Variants in PRRG1 observed in about 807,000 individuals in gnomAD.
PRRG1 encodes the protein transmembrane gamma-carboxyglutamic acid protein 1.
In PRRG1, 5 loss-of-function variants were observed where a neutral mutation model predicts 11.8. The observed-to-expected ratio is 0.42, with a 90% confidence interval of 0.22 to 0.89. PRRG1 has a LOEUF of 0.89. Ranked by LOEUF, PRRG1 falls within the 40% of genes least tolerant of loss-of-function variation. PRRG1 has a pLI of 0.28. For missense variants in PRRG1, 155 were observed against 166.1 expected, an observed-to-expected ratio of 0.93 and a Z score of 0.37; for synonymous variants, 66 against 60.4, an observed-to-expected ratio of 1.09 and a Z score of -0.43.
At chrX:37,388,192 C>T (rs978984648) in intron 1 of PRRG1, among the ~76,000 whole-genome samples, 2 of 112,242 alleles carry the variant, frequency 1.8e-5, no homozygotes, top group Non-Finnish European at 3.8e-5. Flanking sequence ...CTTTCAAGGG[C>T]TGATGTTGAG....
intron 1 of PRRG1, among the ~76,000 whole-genome samples, chrX:37,375,746 C>A (rs1340772162): frequency 2.7e-5 from 3 of 110,404 alleles, no homozygotes. Context: ...CATAAAATGG[C>A]TTTTTTTTAA....
chrX:37,418,051 T>G (rs1932549685), intron 2 of PRRG1, among the ~76,000 whole-genome samples: 1 of 112,159 alleles, frequency 8.9e-6, no homozygotes, highest in Non-Finnish European at 1.9e-5. Flanking sequence ...ACTTAAGAAA[T>G]CATATCCAAC....
intron 3 of PRRG1, among the ~76,000 whole-genome samples, chrX:37,440,055 C>T (rs1932947867): frequency 9.0e-6 from 1 of 110,973 alleles, no homozygotes; most frequent in Admixed American, 9.6e-5. Flanking sequence ...CTGCCTTCAC[C>T]TCCCAAAGTG....
chrX:37,438,033 C>A (rs1376963632), intron 3 of PRRG1, among the ~76,000 whole-genome samples: 1 of 109,764 alleles, frequency 9.1e-6, no homozygotes, highest in Non-Finnish European at 1.9e-5. Context: ...CATGGTAAAA[C>A]CCCATCTCTA....
intron 3 of PRRG1, among the ~76,000 whole-genome samples, chrX:37,429,132 G>A (rs1932801649): frequency 8.9e-6 from 1 of 112,213 alleles, no homozygotes; most frequent in South Asian, 3.7e-4. Flanking sequence ...ATCTGTGATA[G>A]GGGTGGGTAG....
chrX:37,443,231 A>G (rs1556394393), intron 3 of PRRG1, among the ~76,000 whole-genome samples: 1 of 111,570 alleles, frequency 9.0e-6, no homozygotes, highest in East Asian at 2.8e-4. Flanking sequence ...GGAGATGGGG[A>G]CAATAAGTTC....
In PRRG1 at chrX:37,453,510, G is replaced by C. The variant is rs1453631300; in HGVS notation, c.546G>C (p.Gln182His). The C allele has an allele frequency of 5.0e-6, 6 of 1,211,341 alleles. No individual in the cohort carries two copies. The highest frequency in any genetic ancestry group is 6.7e-6 in the Non-Finnish European group (6 of 895,356). ...AAGCCACTGGCCAAGTGAACCTGCA[G>C]AGGAGTGAAACAGAACCTCATTTAG... ...YEEATGQVNL[Q>H]RSETEPHLDP... Residue 182 changes from glutamine (Q) to histidine (H), a missense_variant, in exon 4 of 4, where the codon CAG (glutamine) becomes CAC (histidine). Gln to His is a conservative substitution (Grantham distance 24). Coordinates refer to ENST00000378628, the MANE Select transcript of PRRG1 (RefSeq NM_001142395.2).
chrX:37,363,016 G>A (rs1930462130), intron 1 of PRRG1, among the ~76,000 whole-genome samples: 2 of 111,620 alleles, frequency 1.8e-5, no homozygotes, highest in Non-Finnish European at 3.8e-5. Context: ...TGGCCATATG[G>A]ATTATCTTCC....
At chrX:37,402,220 A>G (rs1245733476) in intron 1 of PRRG1, among the ~76,000 whole-genome samples, 3 of 111,530 alleles carry the variant, frequency 2.7e-5, no homozygotes, top group Non-Finnish European at 3.8e-5. Flanking sequence ...GCATCACACT[A>G]CCTGACTTCA....
chrX:37,379,527 A>G (rs1342743478), intron 1 of PRRG1, among the ~76,000 whole-genome samples: 1 of 111,235 alleles, frequency 9.0e-6, no homozygotes, highest in Non-Finnish European at 1.9e-5. Flanking sequence ...AATGATAAAT[A>G]TTTATATAAG....
intron 2 of PRRG1, among the ~76,000 whole-genome samples, chrX:37,413,188 G>C (rs1318278167): frequency 4.5e-5 from 5 of 110,535 alleles, no homozygotes; most frequent in Admixed American, 9.6e-5. Flanking sequence ...GTTCACTCTT[G>C]TTGTTGTATA....
At chrX:37,406,394 T>A (rs782436847) in intron 2 of PRRG1, 135 bp downstream of exon 2, 28 of 629,480 alleles carry the variant, frequency 4.4e-5, no homozygotes, top group African/African-American at 9.1e-5. Context: ...AGTTTTTGTC[T>A]GAAGCAGGGC....
intron 1 of PRRG1, among the ~76,000 whole-genome samples, chrX:37,361,436 A>G (rs1556367606): frequency 8.9e-6 from 1 of 111,970 alleles, no homozygotes; most frequent in East Asian, 2.8e-4. Flanking sequence ...AATACCGATG[A>G]TGAGTTTTTG....
At chrX:37,428,337 G>A (rs1237235392) in intron 3 of PRRG1, among the ~76,000 whole-genome samples, 1 of 111,783 alleles carries the variant, frequency 8.9e-6, no homozygotes, top group Non-Finnish European at 1.9e-5. Flanking sequence ...GCCTATGAGT[G>A]TATAAAATCA....
At position 37,359,299 on chromosome X, in the gene PRRG1, G is replaced by A. The variant is rs190719319; in HGVS notation, c.-42+9904G>A. On this transcript the variant is annotated intron_variant, in intron 1 of 3. Transcript: ENST00000378628. ...TAGATGCCTTTTTCCATTTGAGTGA[G>A]TTCCCATCTATTCCTAGTTTGCTGA... is the stretch of plus-strand genomic sequence containing the variant. 2.8e-5 allele frequency among the ~76,000 whole-genome samples: 3 copies of A among 109,042 alleles called. No individual in the cohort carries two copies. The East Asian group carries it at 8.6e-4, about 31-fold the overall frequency. The allele number at this position is 109,042 out of a possible 115,157, so 94.7% of individuals were successfully genotyped here.
At chrX:37,381,374 A>G (rs1224926607) in intron 1 of PRRG1, among the ~76,000 whole-genome samples, 1 of 112,180 alleles carries the variant, frequency 8.9e-6, no homozygotes, top group Non-Finnish European at 1.9e-5. Flanking sequence ...GTGTTATTGT[A>G]TATACTATAA....
At chrX:37,388,616 T>A (rs782504384) in intron 1 of PRRG1, among the ~76,000 whole-genome samples, 2 of 113,268 alleles carry the variant, frequency 1.8e-5, no homozygotes, top group Non-Finnish European at 3.7e-5. Context: ...TCGGGAGCAG[T>A]GTCCCCCGGC....
intron 1 of PRRG1, among the ~76,000 whole-genome samples, chrX:37,377,094 A>C (rs1601980063): frequency 8.9e-6 from 1 of 111,755 alleles, no homozygotes; most frequent in East Asian, 2.8e-4. Context: ...TGATTAAATA[A>C]AAATATTTGC....
chrX:37,408,369 T>C (rs191095411), intron 2 of PRRG1, among the ~76,000 whole-genome samples: 17 of 112,134 alleles, frequency 1.5e-4, no homozygotes, highest in Middle Eastern at 4.6e-3. Context: ...CTGATTTGCA[T>C]AGGGCTCAGG....
Sources: gnomAD v4.1 joint callset for allele counts (sites outside exome capture counted in the v4.1 genomes callset) on GRCh38, gnomAD v4.1.1 for gene constraint, MANE v1.5 for transcripts, NCBI Gene and HGNC (gene_info 2026-07-23, HGNC 2026-07-21) for gene names.